Variants in PARM1 observed in about 807,000 individuals in gnomAD.
The protein encoded by PARM1 is prostate androgen-regulated mucin-like protein 1.
A neutral mutation model predicts 24.6 loss-of-function variants in PARM1; 14 were observed. That is an observed-to-expected ratio of 0.57 (90% CI 0.38 to 0.89). The LOEUF is 0.89. Among genes scored for constraint, PARM1 ranks in the 40% least tolerant of loss-of-function variants. PARM1 has a pLI of 0.00. For missense variants in PARM1, 362 were observed against 380.4 expected, an observed-to-expected ratio of 0.95 and a Z score of 0.40; for synonymous variants, 179 against 156.6, an observed-to-expected ratio of 1.14 and a Z score of -1.07.
At chr4:75,027,649 G>A (rs936534977) in intron 2 of PARM1, among the ~76,000 whole-genome samples, 1 of 152,186 alleles carries the variant, frequency 6.6e-6, no homozygotes, top group African/African-American at 2.4e-5. Flanking sequence ...GCAGGATTCT[G>A]AGCAGTTATT....
At chr4:74,933,466 T>A in intron 1 of PARM1, 96 bp downstream of exon 1, 1 of 1,052,168 alleles carries the variant, frequency 9.5e-7, no homozygotes, top group Non-Finnish European at 1.5e-6. Flanking sequence ...CGGCAGTGAG[T>A]CGCCGCGCGC....
At chr4:75,043,476 C>T (rs1723539926) in intron 3 of PARM1, among the ~76,000 whole-genome samples, 1 of 152,042 alleles carries the variant, frequency 6.6e-6, no homozygotes, top group African/African-American at 2.4e-5. Flanking sequence ...TATTCAAGGA[C>T]ATACATTTAT....
chr4:74,936,844 A>G (rs1721204466), intron 1 of PARM1, among the ~76,000 whole-genome samples: 1 of 152,146 alleles, frequency 6.6e-6, no homozygotes, highest in African/African-American at 2.4e-5. Flanking sequence ...TTTTCTGAAT[A>G]CTCAAGAAGG....
At chr4:75,024,206 A>C (rs1193549013) in intron 2 of PARM1, among the ~76,000 whole-genome samples, 3 of 151,410 alleles carry the variant, frequency 2.0e-5, no homozygotes, top group Non-Finnish European at 4.4e-5. Context: ...CGGGAGGCGG[A>C]GCTTGCGCCA....
At chr4:75,040,842 T>G (rs887981095) in intron 3 of PARM1, among the ~76,000 whole-genome samples, 77 of 152,232 alleles carry the variant, frequency 5.1e-4, no homozygotes, top group African/African-American at 1.8e-3. Context: ...AGGGCCTCTG[T>G]ACTTGCTGCT....
At chr4:74,941,765 A>G (rs1345576043) in intron 1 of PARM1, among the ~76,000 whole-genome samples, 4 of 152,196 alleles carry the variant, frequency 2.6e-5, no homozygotes, top group Admixed American at 6.5e-5. Flanking sequence ...TAAAGATGAA[A>G]GCAGCTACAT....
chr4:74,941,932 A>G (rs2109980817), intron 1 of PARM1, among the ~76,000 whole-genome samples: 1 of 152,284 alleles, frequency 6.6e-6, no homozygotes. Flanking sequence ...TCAGATGATG[A>G]AGGGATTTGT....
chr4:74,956,989 G>C (rs530615339), intron 1 of PARM1: 1 of 152,350 alleles, frequency 6.6e-6, no homozygotes, highest in South Asian at 2.1e-4. Flanking sequence ...TGGAGGAGCA[G>C]CTCAGACAAG....
chr4:75,031,504 A>C (rs963613409), intron 2 of PARM1, among the ~76,000 whole-genome samples: 1 of 151,992 alleles, frequency 6.6e-6, no homozygotes, highest in African/African-American at 2.4e-5. Context: ...ATGGAGGAGA[A>C]GTGGTCACTC....
chr4:75,008,312 A>G (rs1284808198), intron 1 of PARM1, among the ~76,000 whole-genome samples: 1 of 152,224 alleles, frequency 6.6e-6, no homozygotes, highest in Non-Finnish European at 1.5e-5. Flanking sequence ...GAAATGAATG[A>G]CCACTTCCAG....
Position 75,048,475 on chromosome 4 carries a change from A to C in PARM1, c.*2228A>C, listed in dbSNP as rs1197243154. On this transcript the variant is annotated 3_prime_UTR_variant, in exon 4 of 4. Coordinates refer to ENST00000307428, the MANE Select transcript of PARM1 (RefSeq NM_015393.4). ...CATCACAGGGCTTTCAGTTTGGCAA[A>C]GGAAAAGCAGATAAAAACAGAACAT... The C allele has an allele frequency of 6.6e-6, 1 of 152,216 alleles. No individual in the cohort carries two copies. Among genetic ancestry groups the C allele is most frequent in the Non-Finnish European group, 1.5e-5 (1 of 68,030 alleles). 9.4% of individuals were successfully genotyped at this position (152,216 alleles called of 1,614,324 possible).
chr4:74,970,536 A>G (rs2109994554), intron 1 of PARM1, among the ~76,000 whole-genome samples: 1 of 152,374 alleles, frequency 6.6e-6, no homozygotes, highest in Middle Eastern at 3.4e-3. Flanking sequence ...AATTATTCTC[A>G]GCCTCTCTCC....
Position 75,046,305 on chromosome 4 carries a change from A to T in PARM1, c.*58A>T. On this transcript the variant is annotated 3_prime_UTR_variant, in exon 4 of 4. Coordinates refer to ENST00000307428, the MANE Select transcript of PARM1 (RefSeq NM_015393.4). ...GTTCTTTATTTATAAGTGCTTATCC[A>T]GTAGAATTAATAAGTACCTGATGCG... 1.8e-6 allele frequency: 2 copies of T among 1,124,406 alleles called. No homozygotes were observed. The highest frequency in any genetic ancestry group is 2.7e-6 in the Non-Finnish European group (2 of 742,876). The allele number at this position is 1,124,406 out of a possible 1,614,324, so 69.7% of individuals were successfully genotyped here.
intron 1 of PARM1, among the ~76,000 whole-genome samples, chr4:75,002,343 G>C (rs1722696536): frequency 1.3e-5 from 2 of 152,166 alleles, no homozygotes; most frequent in Admixed American, 6.5e-5. Flanking sequence ...ATAGCAGTTT[G>C]TGCTTATAGG....
chr4:74,958,642 A>G (rs1331459858), intron 1 of PARM1, among the ~76,000 whole-genome samples: 2 of 152,160 alleles, frequency 1.3e-5, no homozygotes, highest in Non-Finnish European at 2.9e-5. Context: ...CCAAAGTGAA[A>G]TATCTGGTAC....
rs533716235 is a variant in PARM1 at position 74,933,320 on chromosome 4, A to T, written c.-8A>T. The T allele has an allele frequency of 1.2e-6, 2 of 1,608,896 alleles. No homozygotes were observed. The highest frequency in any genetic ancestry group is 1.7e-4 in the Middle Eastern group (1 of 6,050). ...CGCCCCGGGCTGGGCACCAAATACC[A>T]GGCTACCATGGTCTACAAGACTCTC... On this transcript the variant is annotated 5_prime_UTR_variant, in exon 1 of 4. Transcript: ENST00000307428.
chr4:74,967,699 C>A (rs780359270), intron 1 of PARM1: 2 of 152,194 alleles, frequency 1.3e-5, no homozygotes, highest in Non-Finnish European at 2.9e-5. Flanking sequence ...GAAAGAAGGT[C>A]ACAAAATCCA....
chr4:74,936,585 C>A (rs1408603855), intron 1 of PARM1, among the ~76,000 whole-genome samples: 1 of 151,794 alleles, frequency 6.6e-6, no homozygotes, highest in Non-Finnish European at 1.5e-5. Context: ...TCCCGAGTAA[C>A]TGGGACTACA....
At chr4:75,024,479 CT>C (rs750375035) in intron 2 of PARM1, among the ~76,000 whole-genome samples, 4 of 152,170 alleles carry the variant, frequency 2.6e-5, no homozygotes, top group Non-Finnish European at 5.9e-5. Flanking sequence ...AACTTGCACA[CT>C]GCTTGGCAAC....
Sources: allele counts gnomAD v4.1 joint callset (sites outside exome capture counted in the v4.1 genomes callset), GRCh38; gene constraint gnomAD v4.1.1; transcripts MANE v1.5; gene names NCBI Gene and HGNC (gene_info 2026-07-23, HGNC 2026-07-21).